TMPRSS15: variants seen among roughly 807,000 people sequenced by gnomAD.
TMPRSS15 encodes the protein enteropeptidase.
In TMPRSS15, 128 loss-of-function variants were observed where a neutral mutation model predicts 125.3. That is an observed-to-expected ratio of 1.02 (90% confidence interval 0.89 to 1.18). TMPRSS15 has a LOEUF of 1.18. Among genes scored for constraint, TMPRSS15 ranks in the 50% most tolerant of loss-of-function variants. The probability of loss-of-function intolerance (pLI) is 0.00; values close to 1 mark genes in which losing one functional copy is unlikely to be tolerated. For synonymous variants in TMPRSS15, 446 were observed against 423.2 expected, an observed-to-expected ratio of 1.05 and a Z score of -0.66; for missense variants, 1,283 against 1,212.7, an observed-to-expected ratio of 1.06 and a Z score of -0.86.
At chr21:18,326,695 G>C (rs1403931591) in intron 15 of TMPRSS15, 123 bp from the exon 16 acceptor site, 6 of 1,034,176 alleles carry the variant, frequency 5.8e-6, no homozygotes. Context: ...CGCTCATAGA[G>C]CAGCCACAAG....
intron 13 of TMPRSS15, among the ~76,000 whole-genome samples, chr21:18,332,983 TAACAC>T (rs992097209): frequency 7.9e-4 from 121 of 152,244 alleles, no homozygotes; most frequent in African/African-American, 2.9e-3. Flanking sequence ...CTTAGCAAAC[TAACAC>T]AAGAACAGAA....
At chr21:18,364,534 T>G (rs755718481) in intron 7 of TMPRSS15, among the ~76,000 whole-genome samples, 2 of 152,182 alleles carry the variant, frequency 1.3e-5, no homozygotes, top group East Asian at 3.9e-4. Context: ...GTGTTCCTTG[T>G]CTATGAAAAT....
rs868631285 is a variant in TMPRSS15 at position 18,343,842 on chromosome 21, T to C, written c.1277+113A>G. 5.4e-5 allele frequency: 64 copies of C among 1,183,272 alleles called. 2 individuals carry two copies. The South Asian group carries it at 6.9e-4, about 13-fold the overall frequency. 73.3% of individuals were successfully genotyped at this position (1,183,272 alleles called of 1,614,324 possible). Reference sequence around the variant, plus strand: ...GCTTATCAGTTGGGAAAAGTAATAGTATATGCATTAAAACTTTAGCCAACA... The same window carrying C: ...GCTTATCAGTTGGGAAAAGTAATAGCATATGCATTAAAACTTTAGCCAACA... On this transcript the variant is annotated intron_variant, in intron 11 of 24. Coordinates refer to ENST00000284885, the MANE Select transcript of TMPRSS15 (RefSeq NM_002772.3).
intron 24 of TMPRSS15, among the ~76,000 whole-genome samples, chr21:18,270,862 C>T (rs2074546551): frequency 6.6e-6 from 1 of 152,060 alleles, no homozygotes; most frequent in Non-Finnish European, 1.5e-5. Flanking sequence ...ATAAAATTGA[C>T]AAGTATTTTT....
intron 16 of TMPRSS15, among the ~76,000 whole-genome samples, chr21:18,323,560 C>T (rs2075261053): frequency 6.6e-6 from 1 of 152,120 alleles, no homozygotes; most frequent in African/African-American, 2.4e-5. Flanking sequence ...TGGGTGGGGA[C>T]ACAGCTAAAC....
At chr21:18,350,131 C>T (rs1375195040) in intron 10 of TMPRSS15, among the ~76,000 whole-genome samples, 1 of 151,900 alleles carries the variant, frequency 6.6e-6, no homozygotes, top group Non-Finnish European at 1.5e-5. Flanking sequence ...CTGTTTTAGG[C>T]CAGACCCCTT....
chr21:18,444,820 C>G (rs1419308367), intron 1 of TMPRSS15, among the ~76,000 whole-genome samples: 1 of 152,108 alleles, frequency 6.6e-6, no homozygotes, highest in African/African-American at 2.4e-5. Flanking sequence ...TTAACTGTAA[C>G]TTTGTTGACC....
chr21:18,329,071 G>A, intron 15 of TMPRSS15, 98 bp downstream of exon 15: 1 of 1,420,960 alleles, frequency 7.0e-7, no homozygotes. Flanking sequence ...CATTTTGCAA[G>A]TTGTAAAAGA....
Position 18,306,889 on chromosome 21 carries a change from A to G in TMPRSS15, c.2165+6056T>C, listed in dbSNP as rs181413795. ...AAGGTACTTTTTATTTATGCATGTAATGAATGATAGGAAATGAAAAGGTTT... is the reference window on the plus strand; with the variant it reads ...AAGGTACTTTTTATTTATGCATGTAGTGAATGATAGGAAATGAAAAGGTTT... On this transcript the variant is annotated intron_variant, in intron 18 of 24. Transcript: ENST00000284885. Among the ~76,000 whole-genome samples, 95 of 152,130 alleles carry G rather than the reference A, an allele frequency of 6.2e-4. 1 individual carries two copies. In the South Asian group the frequency reaches 9.8e-3, roughly 16 times the overall value.
At chr21:18,328,698 T>C (rs376239185) in intron 15 of TMPRSS15, among the ~76,000 whole-genome samples, 33 of 152,256 alleles carry the variant, frequency 2.2e-4, no homozygotes, top group African/African-American at 7.5e-4. Flanking sequence ...GAATAAGATC[T>C]AGTATTTGAT....
At chr21:18,404,946 C>A (rs915714130), upstream of TMPRSS15, among the ~76,000 whole-genome samples, 2 of 151,842 alleles carry the variant, frequency 1.3e-5, no homozygotes, top group Non-Finnish European at 2.9e-5. Flanking sequence ...ATCAGAGACA[C>A]CACTTATGGA....
chr21:18,390,001 C>T (rs919294003), intron 3 of TMPRSS15, among the ~76,000 whole-genome samples: 2 of 152,198 alleles, frequency 1.3e-5, no homozygotes, highest in Non-Finnish European at 2.9e-5. Context: ...TTATATTTAG[C>T]ACATTCATGA....
intron 23 of TMPRSS15, 106 bp from the exon 24 acceptor site, chr21:18,275,442 A>C: frequency 7.5e-7 from 1 of 1,330,514 alleles, no homozygotes; most frequent in Non-Finnish European, 1.1e-6. Context: ...TCTCATTATC[A>C]AGTACTGTGT....
chr21:18,389,617 C>T (rs2075974427), intron 3 of TMPRSS15, among the ~76,000 whole-genome samples: 1 of 152,004 alleles, frequency 6.6e-6, no homozygotes, highest in Non-Finnish European at 1.5e-5. Flanking sequence ...GCCTACCAGG[C>T]CTATATATAA....
chr21:18,271,169 T>G lies in TMPRSS15; in HGVS notation c.2905-1045A>C, dbSNP rs533632791. Among the ~76,000 whole-genome samples, 4 of 152,290 alleles carry G rather than the reference T, an allele frequency of 2.6e-5. No homozygotes were observed. In the East Asian group the frequency reaches 7.7e-4, roughly 29 times the overall value. ...TCTAGTGTAACAAATGTGTGCAAGG[T>G]GTTTGAAAGCAGGGACTGTGATTTC... On this transcript the variant is annotated intron_variant, in intron 24 of 24. Transcript: ENST00000284885.
chr21:18,401,046 T>A (rs1286625693), intron 1 of TMPRSS15, among the ~76,000 whole-genome samples: 1 of 152,072 alleles, frequency 6.6e-6, no homozygotes, highest in African/African-American at 2.4e-5. Flanking sequence ...CTCATGCTGG[T>A]CGGAATGGCT....
At chr21:18,356,386 C>T (rs548553248) in intron 8 of TMPRSS15, among the ~76,000 whole-genome samples, 5 of 151,802 alleles carry the variant, frequency 3.3e-5, no homozygotes, top group South Asian at 2.1e-4. Flanking sequence ...ATATTCAACA[C>T]GTCTTAGTGA....
chr21:18,291,078 A>G (rs1163380940), intron 21 of TMPRSS15, among the ~76,000 whole-genome samples: 2 of 152,230 alleles, frequency 1.3e-5, no homozygotes, highest in African/African-American at 2.4e-5. Flanking sequence ...CACAATCAAC[A>G]TTTTATTGCA....
Position 18,294,615 on chromosome 21 carries a change from A to C in TMPRSS15, c.2299T>G (p.Cys767Gly). Reference sequence around the variant, plus strand: ...CATATTTACTTACATTTATGGTTACACTGTAACCGAATCAAGGAATCCTGT... The same window carrying C: ...CATATTTACTTACATTTATGGTTACCCTGTAACCGAATCAAGGAATCCTGT... ...CLQDSLIRLQ[C>G]NHKSCGKKLA... The change falls in exon 20 of 25, where the codon TGT (cysteine) becomes GGT (glycine). Residue 767 changes from cysteine (C) to glycine (G), a missense_variant. Coordinates refer to ENST00000284885, the MANE Select transcript of TMPRSS15 (RefSeq NM_002772.3). 6.2e-7 allele frequency: 1 copy of C among 1,611,714 alleles called. No individual in the cohort carries two copies. The highest frequency in any genetic ancestry group is 8.5e-7 in the Non-Finnish European group (1 of 1,177,772).
Sources: allele counts gnomAD v4.1 joint callset (sites outside exome capture counted in the v4.1 genomes callset), GRCh38; gene constraint gnomAD v4.1.1; transcripts MANE v1.5; gene names NCBI Gene and HGNC (gene_info 2026-07-23, HGNC 2026-07-21).